CUX1: variants seen among roughly 807,000 people sequenced by gnomAD.
The protein encoded by CUX1 is cut like homeobox 1.
CUX1 carries 31 observed loss-of-function variants against 158.8 expected under a neutral mutation model. The ratio of observed to expected loss-of-function variants is 0.20; its 90% CI spans 0.15 to 0.26. The LOEUF is 0.26. Ranked by LOEUF, CUX1 falls within the 10% of genes least tolerant of loss-of-function variation. The pLI is 1.00. For missense variants in CUX1, 1,589 were observed against 2,014.6 expected, an observed-to-expected ratio of 0.79 and a Z score of 4.04; for synonymous variants, 879 against 862.1, an observed-to-expected ratio of 1.02 and a Z score of -0.34.
chr7:102,167,906 C>T (rs1183075638), intron 9 of CUX1, among the ~76,000 whole-genome samples: 3 of 151,736 alleles, frequency 2.0e-5, no homozygotes, highest in African/African-American at 7.3e-5. Context: ...GGCAAAACCC[C>T]GTCTCTACAA....
chr7:101,953,228 G>A (rs1415564185), intron 2 of CUX1, among the ~76,000 whole-genome samples: 1 of 152,202 alleles, frequency 6.6e-6, no homozygotes, highest in African/African-American at 2.4e-5. Flanking sequence ...GACTCATCTT[G>A]TTAGAGAAGG....
chr7:102,198,267 A>G (rs998524106), intron 15 of CUX1, among the ~76,000 whole-genome samples: 1 of 152,188 alleles, frequency 6.6e-6, no homozygotes, highest in Non-Finnish European at 1.5e-5. Flanking sequence ...CTCAAATAAA[A>G]AAACAAAAAA....
At chr7:101,985,936 G>A (rs1408391858) in intron 2 of CUX1, among the ~76,000 whole-genome samples, 4 of 152,188 alleles carry the variant, frequency 2.6e-5, no homozygotes, top group African/African-American at 9.7e-5. Context: ...GGTTTTAAAG[G>A]AACGCAGCTT....
intron 1 of CUX1, among the ~76,000 whole-genome samples, chr7:101,819,697 G>A (rs937062078): frequency 2.0e-5 from 3 of 152,128 alleles, no homozygotes; most frequent in Non-Finnish European, 4.4e-5. Context: ...TTTAATATGG[G>A]TGTCTTTGAG....
At chr7:102,264,919 C>A (rs1554544778) in intron 14 of CUX1, 2 of 152,316 alleles carry the variant, frequency 1.3e-5, no homozygotes, top group East Asian at 1.9e-4. Flanking sequence ...CCAACATAAA[C>A]CCTGGCTGTC....
intron 2 of CUX1, among the ~76,000 whole-genome samples, chr7:101,948,063 C>T (rs934249638): frequency 6.6e-6 from 1 of 152,190 alleles, no homozygotes; most frequent in African/African-American, 2.4e-5. Context: ...GCTCTGTTAA[C>T]AGAGCTATAA....
In CUX1 at chr7:101,946,544, CAAAAAAAAAAAA is replaced by C. The variant is rs386410843; in HGVS notation, c.141+30329_141+30340del. On this transcript the variant is annotated intron_variant, in intron 2 of 23. Transcript: ENST00000292535. ...GTGTGACAAGAGCGAGACTCCGTCT[CAAAAAAAAAAAA>C]AAAAAAAAAGAGAGAAGGGTTTCCA... Among the ~76,000 whole-genome samples, 9 of 78,192 alleles carry C rather than the reference CAAAAAAAAAAAA, an allele frequency of 1.2e-4. No individual in the cohort carries two copies. In the Admixed American group the frequency reaches 1.3e-3, roughly 11 times the overall value. 51.3% of individuals were successfully genotyped at this position (78,192 alleles called of 152,430 possible).
intron 3 of CUX1, among the ~76,000 whole-genome samples, chr7:102,038,084 A>C (rs112743954): frequency 2.6e-5 from 4 of 151,808 alleles, no homozygotes; most frequent in African/African-American, 9.7e-5. Context: ...AGGCCAGTAC[A>C]CTGCTAGCTC....
At chr7:102,215,629 A>T (rs1278327280) in intron 20 of CUX1, among the ~76,000 whole-genome samples, 1 of 152,208 alleles carries the variant, frequency 6.6e-6, no homozygotes, top group Non-Finnish European at 1.5e-5. Context: ...GACGTGTAAA[A>T]TAATGTACCT....
intron 3 of CUX1, among the ~76,000 whole-genome samples, chr7:102,029,485 C>T (rs1015851131): frequency 2.0e-5 from 3 of 152,074 alleles, no homozygotes; most frequent in Non-Finnish European, 4.4e-5. Context: ...AGTTGTCGGG[C>T]TTCCATTTGG....
At chr7:101,816,363 C>G (rs933581394), upstream of CUX1, among the ~76,000 whole-genome samples, 1 of 144,028 alleles carries the variant, frequency 6.9e-6, no homozygotes, top group Non-Finnish European at 1.5e-5. Context: ...GCCACCACTG[C>G]CCCCGGTGTC....
chr7:102,060,917 T>TTA (rs2130367875), intron 3 of CUX1, among the ~76,000 whole-genome samples: 1 of 137,064 alleles, frequency 7.3e-6, no homozygotes, highest in Non-Finnish European at 1.6e-5. Flanking sequence ...TGGCCTTTTT[T>TTA]TTTTTTTTTT....
chr7:102,175,528 C>T (rs1554511622), intron 10 of CUX1, among the ~76,000 whole-genome samples: 1 of 152,100 alleles, frequency 6.6e-6, no homozygotes, highest in African/African-American at 2.4e-5. Context: ...CCTCTGGCTA[C>T]CCCTGGCAGC....
At chr7:101,854,394 G>GT (rs59373038) in intron 1 of CUX1, among the ~76,000 whole-genome samples, 22,510 of 152,170 alleles carry the variant, frequency 0.15, 1,819 homozygotes, top group Non-Finnish European at 0.18. Flanking sequence ...AGCCTGTTTG[G>GT]TGGTGATGGG....
At chr7:101,859,271 G>A (rs145039933) in intron 1 of CUX1, among the ~76,000 whole-genome samples, 104 of 152,278 alleles carry the variant, frequency 6.8e-4, no homozygotes, top group African/African-American at 2.3e-3. Context: ...TTAACTCAGC[G>A]ATGTCTCAAA....
intron 8 of CUX1, among the ~76,000 whole-genome samples, chr7:102,139,050 G>T (rs1227848183): frequency 5.3e-5 from 8 of 151,964 alleles, no homozygotes; most frequent in African/African-American, 1.9e-4. Flanking sequence ...TTTGAGACCA[G>T]CCTGGCCAAC....
intron 2 of CUX1, among the ~76,000 whole-genome samples, chr7:101,977,296 T>C (rs1402563374): frequency 6.6e-6 from 1 of 152,164 alleles, no homozygotes; most frequent in African/African-American, 2.4e-5. Context: ...CAGCCCTTAC[T>C]TAAAACATTG....
At position 102,253,664 on chromosome 7, in the gene CUX1, A is replaced by AG. The variant is rs111264249; in HGVS notation, c.*4626dup. On this transcript the variant is annotated 3_prime_UTR_variant, in exon 24 of 24. Transcript: ENST00000292535. ...ACAAAAGCAGAGAGATTTTGAACTG[A>AG]GGGGCGACAGCCTTTGCCTTAAATG... The AG allele has an allele frequency of 0.052, 51,605 of 985,416 alleles. 1,732 individuals carry two copies. The highest frequency in any genetic ancestry group is 0.15 in the African/African-American group (8,807 of 57,328). The allele number at this position is 985,416 out of a possible 1,614,324, so 61.0% of individuals were successfully genotyped here.
chr7:101,901,000 GTT>G (rs1255373719), intron 1 of CUX1, among the ~76,000 whole-genome samples: 1 of 152,232 alleles, frequency 6.6e-6, no homozygotes, highest in East Asian at 1.9e-4. Flanking sequence ...GTCTTGTTCT[GTT>G]TATATATCAC....
Sources: gnomAD v4.1 joint callset for allele counts (sites outside exome capture counted in the v4.1 genomes callset) on GRCh38, gnomAD v4.1.1 for gene constraint, MANE v1.5 for transcripts, NCBI Gene and HGNC (gene_info 2026-07-23, HGNC 2026-07-21) for gene names.